Variants in ZNF280D observed in about 807,000 individuals in gnomAD.
ZNF280D encodes the protein zinc finger protein 280D, also known as suppressor of hairy wing homolog 4.
Under a neutral mutation model 94.7 loss-of-function variants are expected in ZNF280D, and 39 were observed. The observed-to-expected ratio is 0.41, with a 90% CI of 0.32 to 0.54. ZNF280D has a LOEUF of 0.54. Among genes scored for constraint, ZNF280D ranks in the 20% least tolerant of loss-of-function variants. ZNF280D has a pLI of 0.22. For missense variants in ZNF280D, 1,090 were observed against 1,149.3 expected, an observed-to-expected ratio of 0.95 and a Z score of 0.75; for synonymous variants, 398 against 377.6, an observed-to-expected ratio of 1.05 and a Z score of -0.63.
At chr15:56,704,367 CT>C in intron 3 of ZNF280D, 100 bp from the exon 4 acceptor site, 1 of 1,156,588 alleles carries the variant, frequency 8.6e-7, no homozygotes, top group Non-Finnish European at 1.2e-6. Context: ...CTTTAATAAT[CT>C]TAATAGCAAT....
intron 12 of ZNF280D, 23 bp from the exon 13 acceptor site, chr15:56,676,839 G>C: frequency 6.5e-7 from 1 of 1,546,828 alleles, no homozygotes. Flanking sequence ...AGAAGGCTTA[G>C]TTTAACTTGA....
In ZNF280D at chr15:56,667,967, G is replaced by GA. The variant is rs1446907206; in HGVS notation, c.1545+855dup. The GA allele has an allele frequency of 1.5e-5, 3 of 197,756 alleles. No individual in the cohort carries two copies. The Admixed American group carries it at 1.6e-4, about 11-fold the overall frequency. The allele number at this position is 197,756 out of a possible 1,614,324, so 12.3% of individuals were successfully genotyped here. The stretch of plus-strand genomic sequence containing the variant: ...ATTAATATTATTATTATTAATAAGG[G>GA]AAAAAATGAGAGAGGACTGCACTGC... On this transcript the variant is annotated intron_variant, in intron 14 of 21. Transcript: ENST00000267807.
At position 56,631,668 on chromosome 15, in the gene ZNF280D, A is replaced by G. The variant is rs1878585203; in HGVS notation, c.2770T>C (p.Ser924Pro). 2.5e-6 allele frequency: 4 copies of G among 1,614,140 alleles called. No individual in the cohort carries two copies. In the East Asian group the frequency reaches 8.9e-5, roughly 36 times the overall value. ...GSIHLEPLTPSEVLEYEATEI... is the reference protein window; with the variant it reads ...GSIHLEPLTPPEVLEYEATEI... ...GTGGCTTCATACTCAAGTACCTCGG[A>G]TGGAGTCAGAGGTTCCAAATGAATA... Residue 924 changes from serine (S) to proline (P), a missense_variant, in exon 22 of 22, where the codon TCC becomes CCC. Physicochemically the swap from Ser to Pro is moderately conservative, Grantham distance 74. Coordinates refer to ENST00000267807, the MANE Select transcript of ZNF280D (RefSeq NM_017661.4).
At chr15:56,675,625 A>G (rs1448281607) in intron 13 of ZNF280D, among the ~76,000 whole-genome samples, 2 of 151,858 alleles carry the variant, frequency 1.3e-5, no homozygotes, top group African/African-American at 2.4e-5. Flanking sequence ...CTTGCCAGAA[A>G]CTCTCAAGGA....
At chr15:56,635,359 C>A in intron 20 of ZNF280D, 109 bp from the exon 21 acceptor site, 1 of 345,144 alleles carries the variant, frequency 2.9e-6, no homozygotes, top group Non-Finnish European at 5.0e-6. Context: ...CTTAATATAA[C>A]AAAGAAATAG....
chr15:56,676,011 A>T (rs2055205919), intron 13 of ZNF280D, among the ~76,000 whole-genome samples: 1 of 151,498 alleles, frequency 6.6e-6, no homozygotes, highest in African/African-American at 2.4e-5. Context: ...TAAGCATAAT[A>T]TCAGAATTCA....
At chr15:56,640,974 A>G (rs1449918416) in intron 20 of ZNF280D, among the ~76,000 whole-genome samples, 1 of 152,030 alleles carries the variant, frequency 6.6e-6, no homozygotes, top group Non-Finnish European at 1.5e-5. Context: ...ATACAAAACA[A>G]TTTTTCTCCA....
At chr15:56,724,860 A>G (rs1484982410) in intron 1 of ZNF280D, 3 of 454,518 alleles carry the variant, frequency 6.6e-6, no homozygotes, top group Non-Finnish European at 1.3e-5. Flanking sequence ...TTTCTATTCA[A>G]TAACGTTGTC....
intron 20 of ZNF280D, among the ~76,000 whole-genome samples, chr15:56,639,485 G>C (rs73423633): frequency 0.011 from 1,700 of 152,134 alleles, 28 homozygotes; most frequent in African/African-American, 0.039. Context: ...AATGAAAAAA[G>C]GATGGGTGAA....
chr15:56,720,060 T>C (rs2058270582), intron 1 of ZNF280D, among the ~76,000 whole-genome samples: 1 of 152,156 alleles, frequency 6.6e-6, no homozygotes, highest in East Asian at 1.9e-4. Flanking sequence ...CAATGAAGCT[T>C]GGCACATCCA....
Position 56,644,138 on chromosome 15 carries a change from T to A in ZNF280D, c.2214-1141A>T, listed in dbSNP as rs567687766. On this transcript the variant is annotated intron_variant, in intron 19 of 21. Transcript: ENST00000267807. ...TACTTAATATAGATTATGTCCTTTG[T>A]AAAACCACTATATTGGCAGTGCACT... Among the ~76,000 whole-genome samples the A allele has an allele frequency of 1.2e-4, 19 of 152,202 alleles. No homozygotes were observed. The South Asian group carries it at 3.7e-3, about 30-fold the overall frequency.
At chr15:56,688,122 T>C (rs552471688) in intron 9 of ZNF280D, among the ~76,000 whole-genome samples, 1 of 152,202 alleles carries the variant, frequency 6.6e-6, no homozygotes, top group African/African-American at 2.4e-5. Context: ...GATACTATAA[T>C]ATCTACTAAA....
chr15:56,733,404 G>A, intron 1 of ZNF280D, 54 bp downstream of exon 1: 1 of 974,430 alleles, frequency 1.0e-6, no homozygotes, highest in Non-Finnish European at 1.2e-6. Context: ...AGGCCGCGCG[G>A]GAGGGCCTCT....
chr15:56,722,754 T>C (rs1208619661), intron 1 of ZNF280D, among the ~76,000 whole-genome samples: 1 of 152,080 alleles, frequency 6.6e-6, no homozygotes, highest in Admixed American at 6.6e-5. Context: ...CTATAAATCA[T>C]GCTGCTATAA....
In ZNF280D at chr15:56,653,022, T is replaced by A. The variant is rs1219304695; in HGVS notation, c.2213+1176A>T. On this transcript the variant is annotated intron_variant, in intron 19 of 21. Transcript: ENST00000267807. ...AAAACCAAGCTATTAAATTAATTTT[T>A]AAAAAATCAAAATGCAAGAATCGGT... 8.4e-6 allele frequency: 8 copies of A among 957,588 alleles called. No homozygotes were observed. The South Asian group carries it at 1.4e-4, about 17-fold the overall frequency. The allele number at this position is 957,588 out of a possible 1,614,324, so 59.3% of individuals were successfully genotyped here. A position where few individuals can be genotyped will look rare whatever the true frequency, so the allele number is the denominator to read the frequency against.
intron 3 of ZNF280D, among the ~76,000 whole-genome samples, chr15:56,705,108 A>G (rs1347019470): frequency 6.6e-6 from 1 of 152,160 alleles, no homozygotes; most frequent in Non-Finnish European, 1.5e-5. Flanking sequence ...AATGTCACAA[A>G]TCATTTCCCA....
intron 13 of ZNF280D, among the ~76,000 whole-genome samples, chr15:56,669,926 T>TATATATATA (rs2054648153): frequency 4.1e-4 from 1 of 2,434 alleles, no homozygotes; most frequent in Admixed American, 5.6e-3. Flanking sequence ...ATATATATAT[T>TATATATATA]ATATATATAT....
intron 21 of ZNF280D, among the ~76,000 whole-genome samples, chr15:56,633,153 A>G (rs1203870416): frequency 6.6e-6 from 1 of 152,164 alleles, no homozygotes; most frequent in Non-Finnish European, 1.5e-5. Flanking sequence ...TATTTCTTAC[A>G]TTTAATCTGA....
At chr15:56,653,946 T>C (rs1383664960) in intron 19 of ZNF280D, 4 of 1,363,516 alleles carry the variant, frequency 2.9e-6, no homozygotes, top group Non-Finnish European at 3.8e-6. Context: ...GCTAGTGTCA[T>C]GAACTTGGCT....
Sources: gnomAD v4.1 joint callset for allele counts (sites outside exome capture counted in the v4.1 genomes callset) on GRCh38, gnomAD v4.1.1 for gene constraint, MANE v1.5 for transcripts, NCBI Gene and HGNC (gene_info 2026-07-23, HGNC 2026-07-21) for gene names.